The following ADCY8 variants were observed in gnomAD, a reference collection of about 807,000 sequenced individuals.
The protein encoded by ADCY8 is adenylate cyclase type 8.
ADCY8 carries 51 observed loss-of-function variants against 119.7 expected under a neutral mutation model. The observed-to-expected ratio is 0.43, with a 90% CI of 0.34 to 0.54. The LOEUF (loss-of-function observed/expected upper bound fraction) is 0.54. Among genes scored for constraint, ADCY8 ranks in the 20% least tolerant of loss-of-function variants. The pLI, the probability that ADCY8 is intolerant of heterozygous loss-of-function variation, is 0.03. For missense variants in ADCY8, 1,383 were observed against 1,598.8 expected, an observed-to-expected ratio of 0.87 and a Z score of 2.30; for synonymous variants, 665 against 651.0, an observed-to-expected ratio of 1.02 and a Z score of -0.33.
At chr8:130,876,344 C>T (rs1352142597) in intron 8 of ADCY8, among the ~76,000 whole-genome samples, 2 of 152,142 alleles carry the variant, frequency 1.3e-5, no homozygotes, top group African/African-American at 4.8e-5. Context: ...AGTGACCACT[C>T]CCGGCCGGGT....
At chr8:130,864,995 G>A (rs1182728199) in intron 9 of ADCY8, among the ~76,000 whole-genome samples, 2 of 151,980 alleles carry the variant, frequency 1.3e-5, no homozygotes, top group African/African-American at 2.4e-5. Flanking sequence ...ACTCTGGCTG[G>A]GAGTTAAGCT....
At chr8:130,950,948 T>C (rs899830651) in intron 3 of ADCY8, among the ~76,000 whole-genome samples, 4 of 152,216 alleles carry the variant, frequency 2.6e-5, no homozygotes, top group African/African-American at 9.6e-5. Context: ...TCCGCCCACC[T>C]TGGCCTCCCA....
intron 2 of ADCY8, among the ~76,000 whole-genome samples, chr8:130,958,539 G>T (rs1317863414): frequency 6.6e-6 from 1 of 152,106 alleles, no homozygotes; most frequent in Non-Finnish European, 1.5e-5. Flanking sequence ...CACATGGCTG[G>T]GAGCTCTCAC....
intron 2 of ADCY8, among the ~76,000 whole-genome samples, chr8:130,965,869 A>C (rs898038114): frequency 6.6e-6 from 1 of 152,164 alleles, no homozygotes; most frequent in African/African-American, 2.4e-5. Flanking sequence ...GCCCATACAG[A>C]CTATTTCAGC....
chr8:130,903,976 A>G lies in ADCY8; in HGVS notation c.1707T>C (p.His569=), dbSNP rs1801645968. The G allele has an allele frequency of 6.2e-7, 1 of 1,614,076 alleles. No homozygotes were observed. Among genetic ancestry groups the G allele is most frequent in the Non-Finnish European group, 8.5e-7 (1 of 1,179,994 alleles). ...TCAGGAATTCATTCCTCTCTTTACCATGGCCCTCTTCCACGTTATAGTCAC... is the reference window on the plus strand; with the variant it reads ...TCAGGAATTCATTCCTCTCTTTACCGTGGCCCTCTTCCACGTTATAGTCAC... The part of the protein sequence containing the change: ...LNGDYNVEEG[H]GKERNEFLRK... Residue 569 remains histidine, a synonymous_variant, in exon 7 of 18, where the codon CAT becomes CAC. Coordinates refer to ENST00000286355, the MANE Select transcript of ADCY8 (RefSeq NM_001115.3).
In ADCY8 at chr8:130,838,951, A is replaced by G. The variant is rs572237299; in HGVS notation, c.2503-2502T>C. Among the ~76,000 whole-genome samples the G allele has an allele frequency of 7.1e-5, 10 of 141,056 alleles. 2 individuals carry two copies. The South Asian group carries it at 2.5e-3, about 36-fold the overall frequency. 92.5% of individuals were successfully genotyped at this position (141,056 alleles called of 152,430 possible). On this transcript the variant is annotated intron_variant, in intron 11 of 17. Coordinates refer to ENST00000286355, the MANE Select transcript of ADCY8 (RefSeq NM_001115.3). ...TCTGCAGGCACATCTGAAGAAGGCT[A>G]TACAGGGGACATGAGTTTGAACTGG...
intron 12 of ADCY8, 83 bp from the exon 13 acceptor site, chr8:130,821,503 T>C (rs1816507362): frequency 9.7e-7 from 1 of 1,030,324 alleles, no homozygotes; most frequent in South Asian, 1.4e-5. Flanking sequence ...AAAGGAGTGG[T>C]ATAAAAAGAA....
In ADCY8 at chr8:131,039,695, G is replaced by C; in HGVS notation, c.639C>G (p.Gly213=). The change falls in exon 1 of 18, where the codon GGC becomes GGG. Residue 213 remains glycine (G), a synonymous_variant. Coordinates refer to ENST00000286355, the MANE Select transcript of ADCY8 (RefSeq NM_001115.3). ...TGCCGGTGAAGAAGCCCAGCAGGAT[G>C]CCCTTGAGCGGGTCCATGGGGGCCG... is the stretch of plus-strand genomic sequence containing the variant. ...LASAPMDPLK[G]ILLGFFTGIE... 1.2e-6 allele frequency: 2 copies of C among 1,614,120 alleles called. No individual in the cohort carries two copies. The highest frequency in any genetic ancestry group is 1.7e-6 in the Non-Finnish European group (2 of 1,180,014).
intron 1 of ADCY8, among the ~76,000 whole-genome samples, chr8:131,009,489 C>T (rs1823232332): frequency 6.6e-6 from 1 of 152,222 alleles, no homozygotes; most frequent in Admixed American, 6.5e-5. Flanking sequence ...TGCTGGCACT[C>T]ATTCTATCTT....
At chr8:130,825,467 T>C (rs561954688) in intron 12 of ADCY8, among the ~76,000 whole-genome samples, 102 of 152,328 alleles carry the variant, frequency 6.7e-4, no homozygotes, top group African/African-American at 2.3e-3. Context: ...AGATGATGAA[T>C]GGGAAGTGTG....
At chr8:130,783,970 G>A (rs577626878) in intron 16 of ADCY8, among the ~76,000 whole-genome samples, 165 bp from the exon 17 acceptor site, 1 of 152,318 alleles carries the variant, frequency 6.6e-6, no homozygotes, top group South Asian at 2.1e-4. Flanking sequence ...TGGTATCTCA[G>A]AACATGGGAA....
At chr8:130,980,113 C>G (rs1822194716) in intron 2 of ADCY8, among the ~76,000 whole-genome samples, 2 of 152,134 alleles carry the variant, frequency 1.3e-5, no homozygotes, top group Admixed American at 1.3e-4. Flanking sequence ...ATGCCTCGCT[C>G]CAACCTCTGC....
intron 2 of ADCY8, among the ~76,000 whole-genome samples, chr8:130,961,850 G>T (rs1227165121): frequency 6.6e-6 from 1 of 152,142 alleles, no homozygotes; most frequent in Non-Finnish European, 1.5e-5. Flanking sequence ...GACCAGTAAT[G>T]TTCCTGGTAG....
rs1229883223 is a variant in ADCY8 at position 130,983,032 on chromosome 8, G to A, written c.1110+7361C>T. Among the ~76,000 whole-genome samples the A allele has an allele frequency of 2.6e-5, 4 of 152,170 alleles. No individual in the cohort carries two copies. In the East Asian group the frequency reaches 7.7e-4, roughly 29 times the overall value. Reference sequence around the variant, plus strand: ...CTGCCTCACAAATATATGCAGAGTGGGAGTGGAACATCTCATCCTAATGGA... The same window carrying A: ...CTGCCTCACAAATATATGCAGAGTGAGAGTGGAACATCTCATCCTAATGGA... On this transcript the variant is annotated intron_variant, in intron 2 of 17. Coordinates refer to ENST00000286355, the MANE Select transcript of ADCY8 (RefSeq NM_001115.3).
rs1563729431 is a variant in ADCY8 at position 130,921,444 on chromosome 8, C to CCTTTTTTTTTTTTTTTTTTT, written c.1482-11579_1482-11578insAAAAAAAAAAAAAAAAAAAG. On this transcript the variant is annotated intron_variant, in intron 5 of 17. Transcript: ENST00000286355. ...TTAATGGTTATCCATTTTTCTTTTT[C>CCTTTTTTTTTTTTTTTTTTT]TTTTCTTTTTTTTTTTTTTTTTTGA... is the stretch of plus-strand genomic sequence containing the variant. Among the ~76,000 whole-genome samples the CCTTTTTTTTTTTTTTTTTTT allele has an allele frequency of 1.5e-5, 2 of 132,564 alleles. 1 individual carries two copies. 87.0% of individuals were successfully genotyped at this position (132,564 alleles called of 152,430 possible). A position where few individuals can be genotyped will look rare whatever the true frequency, so the allele number is the denominator to read the frequency against.
intron 8 of ADCY8, among the ~76,000 whole-genome samples, chr8:130,878,312 T>G (rs903984104): frequency 3.9e-5 from 6 of 152,232 alleles, no homozygotes; most frequent in Non-Finnish European, 7.3e-5. Context: ...TTACCCATTA[T>G]TGATCAGTAA....
intron 5 of ADCY8, among the ~76,000 whole-genome samples, chr8:130,915,877 A>G (rs1820111808): frequency 6.6e-6 from 1 of 152,218 alleles, no homozygotes; most frequent in Non-Finnish European, 1.5e-5. Context: ...AACAGAGTGA[A>G]CAATGGTTAC....
intron 1 of ADCY8, among the ~76,000 whole-genome samples, chr8:131,014,712 C>T (rs1823415440): frequency 2.0e-5 from 3 of 152,126 alleles, no homozygotes; most frequent in Non-Finnish European, 4.4e-5. Context: ...AATCTACTTA[C>T]CCCCTCTAAA....
intron 5 of ADCY8, among the ~76,000 whole-genome samples, chr8:130,916,173 T>A (rs1443672873): frequency 2.0e-5 from 3 of 152,210 alleles, no homozygotes; most frequent in Non-Finnish European, 4.4e-5. Flanking sequence ...CTGAACCCAT[T>A]GGTCCATTTC....
Sources: gnomAD v4.1 joint callset for allele counts (sites outside exome capture counted in the v4.1 genomes callset) on GRCh38, gnomAD v4.1.1 for gene constraint, MANE v1.5 for transcripts, NCBI Gene and HGNC (gene_info 2026-07-23, HGNC 2026-07-21) for gene names.